The following RECQL5 variants were observed in gnomAD, a reference collection of about 807,000 sequenced individuals.
RECQL5 encodes the protein RecQ like helicase 5, also known as ATP-dependent DNA helicase Q5.
A neutral mutation model predicts 103.4 loss-of-function variants in RECQL5; 88 were observed. The observed-to-expected ratio is 0.85, with a 90% CI of 0.72 to 1.02. The LOEUF is 1.02. Ranked by LOEUF, RECQL5 falls within the 50% of genes least tolerant of loss-of-function variation. The probability of loss-of-function intolerance (pLI) is 0.00; values close to 1 mark genes in which losing one functional copy is unlikely to be tolerated. For missense variants in RECQL5, 1,232 were observed against 1,284.3 expected (o/e 0.96, Z 0.62); for synonymous variants, 552 against 507.9 (o/e 1.09, Z -1.17).
At position 75,628,729 on chromosome 17, in the gene RECQL5, T is replaced by C; in HGVS notation, c.2523A>G (p.Glu841=). 1 of 1,591,066 alleles carries C rather than the reference T, an allele frequency of 6.3e-7. No individual in the cohort carries two copies. The highest frequency in any genetic ancestry group is 1.9e-5 in the Admixed American group (1 of 51,426). ...TGTCCTTTGCAGGGGTGGGCTGGACTTCAGGGGTGCCCTGGTCTCTGGGCG... is the reference window on the plus strand; with the variant it reads ...TGTCCTTTGCAGGGGTGGGCTGGACCTCAGGGGTGCCCTGGTCTCTGGGCG... The part of the protein sequence containing the change: ...TCPPRDQGTP[E]VQPTPAKDTW... Residue 841 remains glutamate, a synonymous_variant, in exon 17 of 20, where the codon GAA becomes GAG. Coordinates refer to ENST00000317905, the MANE Select transcript of RECQL5 (RefSeq NM_004259.7).
intron 19 of RECQL5, 33 bp from the exon 20 acceptor site, chr17:75,627,555 A>C: frequency 6.2e-7 from 1 of 1,609,714 alleles, no homozygotes; most frequent in Non-Finnish European, 8.5e-7. Context: ...TGAGGAGGTG[A>C]GCGTTAGCCT....
intron 8 of RECQL5, among the ~76,000 whole-genome samples, chr17:75,631,900 G>C (rs2059223464): frequency 1.3e-5 from 2 of 152,236 alleles, no homozygotes; most frequent in South Asian, 4.1e-4. Context: ...ACACATGGGG[G>C]TCTCCCGGGA....
chr17:75,657,796 C>T (rs1000840024), intron 7 of RECQL5, among the ~76,000 whole-genome samples: 37 of 149,764 alleles, frequency 2.5e-4, no homozygotes, highest in Admixed American at 7.3e-4. Context: ...ATGCTTGTAA[C>T]CCCAACACTT....
intron 8 of RECQL5, chr17:75,639,696 CCT>C (rs895768793): frequency 3.3e-5 from 5 of 153,240 alleles, no homozygotes; most frequent in African/African-American, 1.2e-4. Context: ...GCAGTTTTCA[CCT>C]CTGACTGACC....
chr17:75,648,679 T>A lies in RECQL5; in HGVS notation c.1229+2507A>T, dbSNP rs1011807289. Among the ~76,000 whole-genome samples the A allele has an allele frequency of 4.6e-4, 68 of 149,002 alleles. No homozygotes were observed. The East Asian group carries it at 0.013, about 29-fold the overall frequency. ...GAGCCACGGCGCCCGGCCTTTTTTTTTTTTTTTTTTTGAGATGGGGTCTCA... is the reference window on the plus strand; with the variant it reads ...GAGCCACGGCGCCCGGCCTTTTTTTATTTTTTTTTTTGAGATGGGGTCTCA... On this transcript the variant is annotated intron_variant, in intron 8 of 19. Transcript: ENST00000317905.
At chr17:75,661,794 T>G (rs1009010383) in intron 4 of RECQL5, 86 bp from the exon 5 acceptor site, 1 of 972,892 alleles carries the variant, frequency 1.0e-6, no homozygotes, top group Admixed American at 2.0e-5. Context: ...TAAAAGAAGC[T>G]CTGTGTTCCT....
At chr17:75,661,827 T>TC in intron 4 of RECQL5, 119 bp from the exon 5 acceptor site, 2 of 691,548 alleles carry the variant, frequency 2.9e-6, no homozygotes, top group Non-Finnish European at 4.9e-6. Flanking sequence ...TTCAGTCTCT[T>TC]CTGAGGCAGG....
At chr17:75,639,994 A>C (rs2059403460) in intron 8 of RECQL5, 1 of 622,228 alleles carries the variant, frequency 1.6e-6, no homozygotes, top group Admixed American at 3.5e-5. Flanking sequence ...GAGCTGTGTC[A>C]GCTGGGTGGG....
intron 7 of RECQL5, among the ~76,000 whole-genome samples, chr17:75,654,934 A>G (rs1333744834): frequency 1.3e-5 from 2 of 152,170 alleles, no homozygotes; most frequent in Non-Finnish European, 2.9e-5. Flanking sequence ...CTGGAACTAC[A>G]GGTGCATACC....
rs1257819452 is a variant in RECQL5, at chr17:75,629,226, T to C, written c.2197A>G (p.Lys733Glu). 2 of 1,613,104 alleles carry C rather than the reference T, an allele frequency of 1.2e-6. No individual in the cohort carries two copies. Among genetic ancestry groups the C allele is most frequent in the Admixed American group, 3.3e-5 (2 of 60,012 alleles). The change falls in exon 16 of 20, where the codon AAA (lysine) becomes GAA (glutamate). Residue 733 changes from lysine (K) to glutamate (E), a missense_variant. By Grantham distance (56) the Lys-to-Glu change is moderately conservative. Coordinates refer to ENST00000317905, the MANE Select transcript of RECQL5 (RefSeq NM_004259.7). ...YGGPSPEKKA[K>E]SSSGGSSLAK... is the part of the protein sequence containing the mutation. ...AGGGAGCTGCCCCCAGAGGAACTTT[T>C]TGCCTTCTTCTCAGGGGAGGGCCCC...
In RECQL5 at chr17:75,628,247, A is replaced by G. The variant is rs1481404497; in HGVS notation, c.2776T>C (p.Phe926Leu). 17 of 1,614,038 alleles carry G rather than the reference A, an allele frequency of 1.1e-5. No individual in the cohort carries two copies. The highest frequency in any genetic ancestry group is 6.7e-5 in the African/African-American group (5 of 74,906). The change falls in exon 18 of 20, where the codon TTC (phenylalanine) becomes CTC (leucine). Residue 926 changes from phenylalanine to leucine, a missense_variant. Transcript: ENST00000317905. ...ANVVVKCLTP[F>L]YKEGKFASKE... is the part of the protein sequence containing the mutation. ...GAAGCAAACTTGCCCTCCTTGTAGA[A>G]AGGGGTGAGGCACTTGACCACAACA...
At chr17:75,629,577 G>C in intron 15 of RECQL5, 102 bp from the exon 16 acceptor site, 2 of 1,504,180 alleles carry the variant, frequency 1.3e-6, no homozygotes, top group Admixed American at 2.2e-5. Flanking sequence ...GCTCTCAGGA[G>C]TGTGGGAGGG....
At chr17:75,650,139 T>G (rs926094012) in intron 8 of RECQL5, 1 of 986,138 alleles carries the variant, frequency 1.0e-6, no homozygotes, top group Non-Finnish European at 1.2e-6. Flanking sequence ...AAGGCCAAAT[T>G]TAGCAACTCC....
At chr17:75,661,490 CTGAG>C (rs1243505364) in intron 5 of RECQL5, 112 bp downstream of exon 5, 10 of 726,734 alleles carry the variant, frequency 1.4e-5, no homozygotes, top group Admixed American at 2.3e-5. Context: ...TTAGCTCTGC[CTGAG>C]TATCTGCAAT....
At position 75,627,041 on chromosome 17, in the gene RECQL5, G is replaced by C; in HGVS notation, c.*381C>G. ...GGATGGGGGAGTGGGTGGAGGATCT[G>C]AGGGTCCCCTGGGTAGGTTCCGATA... On this transcript the variant is annotated 3_prime_UTR_variant, in exon 20 of 20. Coordinates refer to ENST00000317905, the MANE Select transcript of RECQL5 (RefSeq NM_004259.7). The C allele has an allele frequency of 2.5e-6, 1 of 402,610 alleles. No individual in the cohort carries two copies. The highest frequency in any genetic ancestry group is 5.0e-6 in the Non-Finnish European group (1 of 201,362). 24.9% of individuals were successfully genotyped at this position (402,610 alleles called of 1,614,324 possible).
In RECQL5 at chr17:75,627,402, C is replaced by A. The variant is rs780530935; in HGVS notation, c.*20G>T. ...CTAGAATCTGGGGGAGGACGCGGGCCCTGCCCAGCCAGCAGTTGGTCATCT... is the reference window on the plus strand; with the variant it reads ...CTAGAATCTGGGGGAGGACGCGGGCACTGCCCAGCCAGCAGTTGGTCATCT... On this transcript the variant is annotated 3_prime_UTR_variant, in exon 20 of 20. Coordinates refer to ENST00000317905, the MANE Select transcript of RECQL5 (RefSeq NM_004259.7). 6.2e-7 allele frequency: 1 copy of A among 1,601,482 alleles called. No homozygotes were observed. The highest frequency in any genetic ancestry group is 1.7e-5 in the Admixed American group (1 of 59,986).
At chr17:75,661,572 G>C (rs1429815097) in intron 5 of RECQL5, 34 bp downstream of exon 5, 1 of 1,462,834 alleles carries the variant, frequency 6.8e-7, no homozygotes, top group Admixed American at 1.7e-5. Context: ...GCCTCTGAGG[G>C]TGAAGAGACT....
chr17:75,663,613 G>C (rs1016900840), intron 3 of RECQL5, among the ~76,000 whole-genome samples: 1 of 152,162 alleles, frequency 6.6e-6, no homozygotes, highest in Non-Finnish European at 1.5e-5. Flanking sequence ...CACAGGCTCT[G>C]AAGTCAGACA....
At chr17:75,635,883 G>C (rs1040673172) in intron 8 of RECQL5, 1 of 985,124 alleles carries the variant, frequency 1.0e-6, no homozygotes, top group Non-Finnish European at 1.2e-6. Context: ...TCAGCTCTGC[G>C]AGGAGGAAAC....
Sources: gnomAD v4.1 joint callset for allele counts (sites outside exome capture counted in the v4.1 genomes callset) on GRCh38, gnomAD v4.1.1 for gene constraint, MANE v1.5 for transcripts, NCBI Gene and HGNC (gene_info 2026-07-23, HGNC 2026-07-21) for gene names.